The following TBC1D19 variants were observed in gnomAD, a reference collection of about 807,000 sequenced individuals.
TBC1D19 encodes TBC1 domain family member 19.
TBC1D19 carries 60 observed loss-of-function variants against 89.0 expected under a neutral mutation model. The ratio of observed to expected loss-of-function variants is 0.67; its 90% CI spans 0.55 to 0.84. The LOEUF is 0.84. Among genes scored for constraint, TBC1D19 ranks in the 40% least tolerant of loss-of-function variants. The probability of loss-of-function intolerance (pLI) is 0.00; values close to 1 mark genes in which losing one functional copy is unlikely to be tolerated. For missense variants in TBC1D19, 500 were observed against 610.8 expected, an observed-to-expected ratio of 0.82 and a Z score of 1.91; for synonymous variants, 189 against 199.7, an observed-to-expected ratio of 0.95 and a Z score of 0.45.
the TBC1D19 span, among the ~76,000 whole-genome samples, chr4:26,832,957 G>A: frequency 7.9e-5 from 12 of 152,214 alleles, no homozygotes; most frequent in Middle Eastern, 3.4e-3. Flanking sequence ...TTGAGCTACC[G>A]CACTCTGGCC....
At chr4:26,785,493 A>G in the TBC1D19 span, among the ~76,000 whole-genome samples, 27 of 152,216 alleles carry the variant, frequency 1.8e-4, no homozygotes, top group African/African-American at 5.1e-4. Context: ...TACAATGACA[A>G]TGATGACGAT....
the TBC1D19 span, among the ~76,000 whole-genome samples, chr4:26,798,336 T>G: frequency 6.6e-6 from 1 of 151,984 alleles, no homozygotes; most frequent in Non-Finnish European, 1.5e-5. Flanking sequence ...AAATGCAAAT[T>G]AAGACCACAA....
the TBC1D19 span, among the ~76,000 whole-genome samples, chr4:26,826,590 T>G: frequency 6.6e-6 from 1 of 152,236 alleles, no homozygotes; most frequent in Non-Finnish European, 1.5e-5. Flanking sequence ...AAATTCTCTC[T>G]TTGAAAATCA....
chr4:26,691,152 G>A (rs1014711188), intron 13 of TBC1D19, among the ~76,000 whole-genome samples: 5 of 152,186 alleles, frequency 3.3e-5, no homozygotes, highest in African/African-American at 1.2e-4. Context: ...ATTAGAAGTA[G>A]AGCCTCAATA....
chr4:26,820,146 C>T, the TBC1D19 span, among the ~76,000 whole-genome samples: 4 of 152,284 alleles, frequency 2.6e-5, no homozygotes, highest in Non-Finnish European at 5.9e-5. Flanking sequence ...TATCCGTTAT[C>T]TTAGTAACTT....
rs71186486 is a variant in TBC1D19 at position 26,745,497 on chromosome 4, C to CTTT, written c.1320-2888_1320-2886dup. Among the ~76,000 whole-genome samples, 283 of 40,606 alleles carry CTTT rather than the reference C, an allele frequency of 7.0e-3. 98 individuals carry two copies. Among genetic ancestry groups the CTTT allele is most frequent in the East Asian group, 0.025 (25 of 984 alleles). 26.6% of individuals were successfully genotyped at this position (40,606 alleles called of 152,430 possible). ...GTGCCATGAGGTTTACAATATACTT[C>CTTT]TTTTTTTTTTTTTTTTTTTTTTTTT... On this transcript the variant is annotated intron_variant, in intron 18 of 20. Coordinates refer to ENST00000264866, the MANE Select transcript of TBC1D19 (RefSeq NM_018317.4).
rs945006012 is a variant in TBC1D19 at position 26,614,448 on chromosome 4, G to C, written c.213G>C (p.Leu71=). Residue 71 remains leucine (L), a synonymous_variant, in exon 3 of 21, where the codon CTG becomes CTC. Transcript: ENST00000264866. ...KKLQNAVYSE[L]SVFPLPSHPA... Reference sequence around the variant, plus strand: ...TTCAGAATGCTGTTTATAGTGAACTGAGTGTGTGAGTTTTCCCACCTATTT... The same window carrying C: ...TTCAGAATGCTGTTTATAGTGAACTCAGTGTGTGAGTTTTCCCACCTATTT... 1 of 1,585,890 alleles carries C rather than the reference G, an allele frequency of 6.3e-7. No homozygotes were observed. Among genetic ancestry groups the C allele is most frequent in the Non-Finnish European group, 8.6e-7 (1 of 1,167,348 alleles).
At chr4:26,823,784 A>G in the TBC1D19 span, among the ~76,000 whole-genome samples, 1 of 152,200 alleles carries the variant, frequency 6.6e-6, no homozygotes. Flanking sequence ...TAAGGTTGCT[A>G]ACACTCTTTC....
At chr4:26,637,459 G>C (rs1381506039) in intron 5 of TBC1D19, among the ~76,000 whole-genome samples, 174 bp downstream of exon 5, 1 of 152,088 alleles carries the variant, frequency 6.6e-6, no homozygotes, top group East Asian at 1.9e-4. Context: ...TGCAACCTCC[G>C]CCTCCTGGGT....
chr4:26,677,387 T>G (rs1373272941), intron 11 of TBC1D19, among the ~76,000 whole-genome samples: 1 of 151,944 alleles, frequency 6.6e-6, no homozygotes, highest in Non-Finnish European at 1.5e-5. Flanking sequence ...GGTGCGATCT[T>G]GGCTTACTGC....
At chr4:26,705,508 G>A (rs1046905877) in intron 13 of TBC1D19, among the ~76,000 whole-genome samples, 7 of 152,138 alleles carry the variant, frequency 4.6e-5, no homozygotes, top group African/African-American at 1.7e-4. Flanking sequence ...TAGATATCCA[G>A]TTTTCCTAGC....
intron 15 of TBC1D19, among the ~76,000 whole-genome samples, chr4:26,725,993 G>A (rs1717286251): frequency 6.6e-6 from 1 of 152,168 alleles, no homozygotes; most frequent in African/African-American, 2.4e-5. Context: ...AATTACAAGT[G>A]ATAAACAACC....
chr4:26,851,319 A>ATCTATCTATCTGTCTGTCTG, the TBC1D19 span, among the ~76,000 whole-genome samples: 3 of 147,382 alleles, frequency 2.0e-5, no homozygotes, highest in African/African-American at 5.0e-5. Context: ...CTATCTATCT[A>ATCTATCTATCTGTCTGTCTG]TCTATCTATC....
chr4:26,684,427 C>T (rs1005987732), intron 12 of TBC1D19, among the ~76,000 whole-genome samples: 12 of 152,134 alleles, frequency 7.9e-5, no homozygotes, highest in African/African-American at 1.4e-4. Flanking sequence ...ATGTGGTGTC[C>T]ACTTCTTAAT....
At chr4:26,592,594 G>A (rs1205223691) in intron 1 of TBC1D19, among the ~76,000 whole-genome samples, 6 of 151,994 alleles carry the variant, frequency 3.9e-5, no homozygotes, top group Admixed American at 1.3e-4. Flanking sequence ...AAACCCCATC[G>A]TCTCAGCCCA....
At chr4:26,844,988 T>C in the TBC1D19 span, among the ~76,000 whole-genome samples, 1 of 152,222 alleles carries the variant, frequency 6.6e-6, no homozygotes, top group Admixed American at 6.5e-5. Flanking sequence ...ACAAGTCTTA[T>C]CCTGTTTTTT....
At chr4:26,717,891 A>G (rs1168450337) in intron 13 of TBC1D19, 42 bp from the exon 14 acceptor site, 1 of 1,488,872 alleles carries the variant, frequency 6.7e-7, no homozygotes. Flanking sequence ...CTGGTTTTAT[A>G]ATAGTGCTTA....
the TBC1D19 span, among the ~76,000 whole-genome samples, chr4:26,834,638 AAG>A: frequency 6.6e-6 from 1 of 152,064 alleles, no homozygotes; most frequent in African/African-American, 2.4e-5. Context: ...TGGGGTCCTG[AAG>A]AGAGACCAAA....
chr4:26,607,741 A>G (rs949035038), intron 1 of TBC1D19, among the ~76,000 whole-genome samples: 1 of 152,228 alleles, frequency 6.6e-6, no homozygotes, highest in Admixed American at 6.5e-5. Flanking sequence ...GTGCTTCCAG[A>G]TTAACTTGTT....
Sources: gnomAD v4.1 joint callset for allele counts (sites outside exome capture counted in the v4.1 genomes callset) on GRCh38, gnomAD v4.1.1 for gene constraint, MANE v1.5 for transcripts, NCBI Gene and HGNC (gene_info 2026-07-23, HGNC 2026-07-21) for gene names.